Variants in TANGO2 observed in about 807,000 individuals in gnomAD.
TANGO2 encodes transport and golgi organization 2 homolog, also known as transport and Golgi organization protein 2 homolog.
In TANGO2, 26 loss-of-function variants were observed where a neutral mutation model predicts 39.1. The observed-to-expected ratio is 0.67, with a 90% CI of 0.49 to 0.92. The LOEUF (loss-of-function observed/expected upper bound fraction) is 0.92, where lower values mean the gene tolerates loss of function less well. Ranked by LOEUF, TANGO2 falls within the 40% of genes least tolerant of loss-of-function variation. The pLI is 0.00. For missense variants in TANGO2, 326 were observed against 360.1 expected (o/e 0.91, Z 0.77); for synonymous variants, 131 against 144.5 (o/e 0.91, Z 0.67).
intron 6 of TANGO2, among the ~76,000 whole-genome samples, chr22:20,060,592 G>A (rs2048204012): frequency 6.6e-6 from 1 of 152,130 alleles, no homozygotes; most frequent in Non-Finnish European, 1.5e-5. Context: ...ATGGTGTCAG[G>A]TAGAGTCCAA....
chr22:20,045,179 T>C (rs1261704541), intron 3 of TANGO2, among the ~76,000 whole-genome samples: 2 of 151,462 alleles, frequency 1.3e-5, no homozygotes, highest in Admixed American at 1.3e-4. Flanking sequence ...CTCACACCTG[T>C]AATCTCAGCA....
At chr22:20,063,833 C>T (rs2048823744) in intron 8 of TANGO2, among the ~76,000 whole-genome samples, 1 of 152,228 alleles carries the variant, frequency 6.6e-6, no homozygotes, top group African/African-American at 2.4e-5. Context: ...GTGTCATTTC[C>T]TTCAGCCCCT....
chr22:20,037,639 GA>G (rs1334901253), intron 2 of TANGO2, among the ~76,000 whole-genome samples: 1 of 151,342 alleles, frequency 6.6e-6, no homozygotes, highest in Non-Finnish European at 1.5e-5. Context: ...AATCAGGAAG[GA>G]AGGGTGTCTG....
chr22:20,023,750 C>T (rs913164416), intron 1 of TANGO2, among the ~76,000 whole-genome samples: 2 of 151,736 alleles, frequency 1.3e-5, no homozygotes, highest in Admixed American at 6.6e-5. Flanking sequence ...CCCAGCTACT[C>T]GGGAGGCTGA....
chr22:20,056,040 G>A (rs770919355), intron 6 of TANGO2, 27 bp downstream of exon 6: 14 of 1,592,062 alleles, frequency 8.8e-6, no homozygotes, highest in Non-Finnish European at 1.1e-5. Flanking sequence ...AGCCTGATGG[G>A]GTGGGGGACT....
intron 6 of TANGO2, among the ~76,000 whole-genome samples, chr22:20,058,991 G>A (rs2047886961): frequency 6.6e-6 from 1 of 152,174 alleles, no homozygotes; most frequent in African/African-American, 2.4e-5. Flanking sequence ...ATCAGAAGGT[G>A]AGCTCTAGGA....
At chr22:20,058,641 C>CAAA (rs695705) in intron 6 of TANGO2, among the ~76,000 whole-genome samples, 37 of 106,520 alleles carry the variant, frequency 3.5e-4, no homozygotes, top group South Asian at 5.6e-4. Flanking sequence ...GATTGCATCT[C>CAAA]AAAAAAAAAA....
rs987673251 is a variant in TANGO2, at chr22:20,064,997, C to T, written c.*335C>T. On this transcript the variant is annotated 3_prime_UTR_variant, in exon 9 of 9. Transcript: ENST00000327374. ...ATACACTCCTGCGTGTGCACAAGCACACACATGCAAGCCATATACATGGAC... is the reference window on the plus strand; with the variant it reads ...ATACACTCCTGCGTGTGCACAAGCATACACATGCAAGCCATATACATGGAC... The T allele has an allele frequency of 3.5e-6, 1 of 288,368 alleles. No homozygotes were observed. The highest frequency in any genetic ancestry group is 2.1e-5 in the African/African-American group (1 of 47,152). The allele number at this position is 288,368 out of a possible 1,614,324, so 17.9% of individuals were successfully genotyped here. A position where few individuals can be genotyped will look rare whatever the true frequency, so the allele number is the denominator to read the frequency against.
intron 3 of TANGO2, among the ~76,000 whole-genome samples, chr22:20,049,162 C>A (rs1391790471): frequency 6.6e-6 from 1 of 152,096 alleles, no homozygotes; most frequent in African/African-American, 2.4e-5. Flanking sequence ...TTTACTGCCT[C>A]CAACCCCCAA....
At chr22:20,055,138 A>G (rs1020701609) in intron 5 of TANGO2, 1 of 152,236 alleles carries the variant, frequency 6.6e-6, no homozygotes, top group Non-Finnish European at 1.5e-5. Context: ...CTCCATGCCC[A>G]GCATCTGGCC....
At chr22:20,025,488 A>G (rs1415790285) in intron 1 of TANGO2, among the ~76,000 whole-genome samples, 2 of 152,048 alleles carry the variant, frequency 1.3e-5, no homozygotes, top group African/African-American at 2.4e-5. Context: ...GACAGATTGT[A>G]CAAAGTGAAC....
chr22:20,025,351 C>A (rs1054936482), intron 1 of TANGO2, among the ~76,000 whole-genome samples: 15 of 152,048 alleles, frequency 9.9e-5, no homozygotes, highest in African/African-American at 3.4e-4. Flanking sequence ...CCTCGGCCTC[C>A]CAAAGTGTTG....
upstream of TANGO2, among the ~76,000 whole-genome samples, chr22:20,020,169 T>C (rs777806185): frequency 3.3e-5 from 5 of 152,236 alleles, no homozygotes; most frequent in Admixed American, 6.5e-5. Context: ...GTCTCAGTGT[T>C]TACATCTATA....
chr22:20,061,635 A>G lies in TANGO2; in HGVS notation c.557A>G (p.Lys186Arg), dbSNP rs2048400783. Residue 186 changes from lysine to arginine, a missense_variant, in exon 7 of 9, where the codon AAG (lysine) becomes AGG (arginine). Coordinates refer to ENST00000327374, the MANE Select transcript of TANGO2 (RefSeq NM_152906.7). ...GTGGAACGGAGCCAGGCGCTGCCCA[A>G]GGATGTGCTCATCGCCAGCCTCCTG... ...EAVERSQALP[K>R]DVLIASLLDV... is the part of the protein sequence containing the mutation. 1.3e-6 allele frequency: 2 copies of G among 1,567,594 alleles called. No homozygotes were observed. Among genetic ancestry groups the G allele is most frequent in the Non-Finnish European group, 1.7e-6 (2 of 1,155,578 alleles).
chr22:20,031,159 C>G (rs1300482006), intron 1 of TANGO2, among the ~76,000 whole-genome samples: 1 of 151,750 alleles, frequency 6.6e-6, no homozygotes, highest in Non-Finnish European at 1.5e-5. Context: ...GATCGCGCCG[C>G]TGCACTCCAG....
intron 2 of TANGO2, among the ~76,000 whole-genome samples, chr22:20,042,767 AAAATAAAAAT>A (rs2044217476): frequency 6.6e-6 from 1 of 152,218 alleles, no homozygotes; most frequent in African/African-American, 2.4e-5. Flanking sequence ...TCCATCTCAA[AAAATAAAAAT>A]AAATAAAAAT....
intron 5 of TANGO2, chr22:20,054,073 A>G (rs570782913): frequency 4.9e-5 from 14 of 283,278 alleles, no homozygotes; most frequent in African/African-American, 2.7e-4. Context: ...AGGACAGGCA[A>G]ACGGGAAGTG....
At chr22:20,051,885 A>G (rs1045595065) in intron 3 of TANGO2, among the ~76,000 whole-genome samples, 16 of 152,182 alleles carry the variant, frequency 1.1e-4, no homozygotes, top group Admixed American at 9.8e-4. Flanking sequence ...AATAAAAATA[A>G]CATCTTAATG....
At chr22:20,059,246 C>T (rs2047930160) in intron 6 of TANGO2, among the ~76,000 whole-genome samples, 1 of 152,178 alleles carries the variant, frequency 6.6e-6, no homozygotes, top group Non-Finnish European at 1.5e-5. Flanking sequence ...GCCCTGAACC[C>T]TCGAGCCAGT....
Sources: gnomAD v4.1 joint callset for allele counts (sites outside exome capture counted in the v4.1 genomes callset) on GRCh38, gnomAD v4.1.1 for gene constraint, MANE v1.5 for transcripts, NCBI Gene and HGNC (gene_info 2026-07-23, HGNC 2026-07-21) for gene names.